XPO4: variants seen among roughly 807,000 people sequenced by gnomAD.
The protein encoded by XPO4 is exportin 4.
In XPO4, 39 loss-of-function variants were observed where a neutral mutation model predicts 143.0. The observed-to-expected ratio is 0.27, with a 90% CI of 0.21 to 0.36. The LOEUF is 0.36. Ranked by LOEUF, XPO4 falls within the 10% of genes least tolerant of loss-of-function variation. XPO4 has a pLI of 1.00. For synonymous variants in XPO4, 439 were observed against 474.0 expected, an observed-to-expected ratio of 0.93 and a Z score of 0.96; for missense variants, 907 against 1,348.0, an observed-to-expected ratio of 0.67 and a Z score of 5.12.
intron 1 of XPO4, among the ~76,000 whole-genome samples, chr13:20,883,698 T>C (rs910566405): frequency 2.0e-5 from 3 of 152,204 alleles, no homozygotes; most frequent in African/African-American, 7.2e-5. Flanking sequence ...AAGAAAATAC[T>C]TCAAGTAAAG....
intron 1 of XPO4, among the ~76,000 whole-genome samples, chr13:20,879,762 A>G (rs2060388634): frequency 6.6e-6 from 1 of 152,188 alleles, no homozygotes; most frequent in South Asian, 2.1e-4. Context: ...GACATTATCA[A>G]AAGAATGAAA....
chr13:20,832,758 A>C (rs73437432), intron 6 of XPO4, among the ~76,000 whole-genome samples: 3 of 152,242 alleles, frequency 2.0e-5, no homozygotes, highest in Admixed American at 6.5e-5. Context: ...AGCAACCACA[A>C]ATCCTTTGAA....
intron 4 of XPO4, chr13:20,851,711 C>CAAAAAAAACAAAAAA (rs2060089701): frequency 1.5e-6 from 1 of 681,866 alleles, no homozygotes; most frequent in African/African-American, 2.6e-5. Flanking sequence ...CCCGGTCTCA[C>CAAAAAAAACAAAAAA]AAAAAAAAAA....
intron 1 of XPO4, among the ~76,000 whole-genome samples, chr13:20,882,448 G>A (rs924297855): frequency 2.6e-5 from 4 of 152,006 alleles, no homozygotes; most frequent in East Asian, 3.9e-4. Flanking sequence ...CCAGATCTCC[G>A]GTGAACTCAG....
At chr13:20,898,546 G>C (rs1396898416) in intron 1 of XPO4, among the ~76,000 whole-genome samples, 1 of 151,696 alleles carries the variant, frequency 6.6e-6, no homozygotes, top group East Asian at 1.9e-4. Flanking sequence ...GCCTGGGCAA[G>C]AGTAAGACTG....
In XPO4 at chr13:20,868,733, T is replaced by C. The variant is rs983742371; in HGVS notation, c.70-32A>G. 7 of 1,580,860 alleles carry C rather than the reference T, an allele frequency of 4.4e-6. No homozygotes were observed. In the East Asian group the frequency reaches 1.4e-4, roughly 30 times the overall value. On this transcript the variant is annotated intron_variant, in intron 1 of 22. Coordinates refer to ENST00000255305, the MANE Select transcript of XPO4 (RefSeq NM_022459.5). ...AGTTAAAGACAAGAACAGATACACT[T>C]ATCTAATGACAAAGCTTAAATAATA...
chr13:20,880,373 G>A (rs1322896254), intron 1 of XPO4, among the ~76,000 whole-genome samples: 4 of 151,908 alleles, frequency 2.6e-5, no homozygotes, highest in African/African-American at 7.3e-5. Flanking sequence ...TAGTGGTTGC[G>A]GTGAGCCTAG....
At chr13:20,861,358 C>T (rs1317603679) in intron 3 of XPO4, among the ~76,000 whole-genome samples, 2 of 143,912 alleles carry the variant, frequency 1.4e-5, no homozygotes, top group Non-Finnish European at 3.0e-5. Context: ...TGCAGTGGCT[C>T]GATCTTGGCT....
At chr13:20,901,261 C>T (rs1000851520) in intron 1 of XPO4, among the ~76,000 whole-genome samples, 2 of 152,072 alleles carry the variant, frequency 1.3e-5, no homozygotes, top group Non-Finnish European at 2.9e-5. Context: ...AGCAGCTTTG[C>T]CAGGGAAGAG....
At chr13:20,788,854 T>C (rs564640563) in intron 19 of XPO4, among the ~76,000 whole-genome samples, 1 of 152,344 alleles carries the variant, frequency 6.6e-6, no homozygotes, top group East Asian at 1.9e-4. Context: ...ATCTTCTAGA[T>C]AGTTAATAAA....
chr13:20,824,152 A>G (rs1201192654), intron 7 of XPO4, among the ~76,000 whole-genome samples: 3 of 152,234 alleles, frequency 2.0e-5, no homozygotes, highest in Admixed American at 6.5e-5. Flanking sequence ...TATTTTTCAA[A>G]CTATATTCCA....
chr13:20,896,730 G>T (rs912524156), intron 1 of XPO4, among the ~76,000 whole-genome samples: 1 of 151,774 alleles, frequency 6.6e-6, no homozygotes, highest in African/African-American at 2.4e-5. Context: ...TTGTATTACT[G>T]TATCAGTTAG....
At chr13:20,902,344 A>G in intron 1 of XPO4, 2 of 984,988 alleles carry the variant, frequency 2.0e-6, no homozygotes, top group Non-Finnish European at 2.4e-6. Flanking sequence ...GATAACCCCA[A>G]CTCCTTCCCG....
intron 2 of XPO4, among the ~76,000 whole-genome samples, chr13:20,866,667 T>C (rs953504089): frequency 8.5e-5 from 13 of 152,186 alleles, no homozygotes; most frequent in African/African-American, 2.9e-4. Context: ...ACCTTTTAAA[T>C]AGTCAGTGTC....
At chr13:20,856,407 A>T in intron 3 of XPO4, 1 of 972,724 alleles carries the variant, frequency 1.0e-6, no homozygotes, top group Non-Finnish European at 1.2e-6. Flanking sequence ...GAGGCATTTT[A>T]CCAAGCCCAT....
intron 4 of XPO4, chr13:20,851,980 G>T: frequency 1.0e-6 from 1 of 985,334 alleles, no homozygotes; most frequent in South Asian, 4.7e-5. Flanking sequence ...TACCCAAGGG[G>T]AAAGGAAGCA....
intron 3 of XPO4, chr13:20,857,048 A>C: frequency 4.0e-6 from 1 of 250,558 alleles, no homozygotes; most frequent in Non-Finnish European, 6.3e-6. Context: ...CCTATCGTCA[A>C]GACTGAAGTG....
intron 1 of XPO4, among the ~76,000 whole-genome samples, chr13:20,900,658 A>C (rs1286301362): frequency 6.6e-6 from 1 of 150,984 alleles, no homozygotes; most frequent in Non-Finnish European, 1.5e-5. Context: ...TGTCGCCCAG[A>C]CTGGAGTGCA....
chr13:20,880,735 T>C (rs557672950), intron 1 of XPO4, among the ~76,000 whole-genome samples: 85 of 152,092 alleles, frequency 5.6e-4, no homozygotes, highest in African/African-American at 1.8e-3. Context: ...GGTGGGTGGA[T>C]TGCTTGAGTT....
Sources: allele counts gnomAD v4.1 joint callset (sites outside exome capture counted in the v4.1 genomes callset), GRCh38; gene constraint gnomAD v4.1.1; transcripts MANE v1.5; gene names NCBI Gene and HGNC (gene_info 2026-07-23, HGNC 2026-07-21).